Variants in TENM3 observed in about 807,000 individuals in gnomAD.
TENM3 encodes teneurin-3.
Under a neutral mutation model 255.1 loss-of-function variants are expected in TENM3, and 63 were observed. That is an observed-to-expected ratio of 0.25 (90% CI 0.20 to 0.30). The LOEUF (loss-of-function observed/expected upper bound fraction) is 0.30, where lower values mean the gene tolerates loss of function less well. Among genes scored for constraint, TENM3 ranks in the 10% least tolerant of loss-of-function variants. The pLI is 1.00. For synonymous variants in TENM3, 1,306 were observed against 1,322.3 expected (o/e 0.99, Z 0.27); for missense variants, 2,929 against 3,461.1 (o/e 0.85, Z 3.86).
intron 3 of TENM3, among the ~76,000 whole-genome samples, chr4:182,466,485 A>G (rs1488820857): frequency 6.6e-6 from 1 of 152,016 alleles, no homozygotes; most frequent in East Asian, 1.9e-4. Context: ...GTGTGCCACC[A>G]TGCCTGGCTA....
intron 3 of TENM3, among the ~76,000 whole-genome samples, chr4:182,541,923 C>T (rs1408314364): frequency 2.6e-5 from 4 of 151,756 alleles, no homozygotes; most frequent in South Asian, 2.1e-4. Flanking sequence ...ATTAGCGAGG[C>T]GTAGTGGCGC....
At chr4:181,639,414 T>C in the TENM3 span, among the ~76,000 whole-genome samples, 1 of 152,194 alleles carries the variant, frequency 6.6e-6, no homozygotes, top group African/African-American at 2.4e-5. Flanking sequence ...CAGCACTATG[T>C]CACCATCATC....
chr4:181,649,279 T>C, the TENM3 span, among the ~76,000 whole-genome samples: 8 of 152,206 alleles, frequency 5.3e-5, no homozygotes, highest in African/African-American at 1.9e-4. Flanking sequence ...GGCTGGTGAT[T>C]ACAATGAGTA....
intron 3 of TENM3, among the ~76,000 whole-genome samples, chr4:182,378,339 G>C (rs1220524527): frequency 6.6e-6 from 1 of 152,216 alleles, no homozygotes; most frequent in African/African-American, 2.4e-5. Flanking sequence ...TAGAGGGAAA[G>C]ACAGACCTCG....
the TENM3 span, among the ~76,000 whole-genome samples, chr4:181,978,918 G>A: frequency 6.7e-6 from 1 of 149,060 alleles, no homozygotes; most frequent in South Asian, 2.1e-4. Flanking sequence ...ATGGGTAATG[G>A]GTTACAAAAT....
At chr4:182,466,404 T>A (rs2151424902) in intron 3 of TENM3, among the ~76,000 whole-genome samples, 1 of 152,292 alleles carries the variant, frequency 6.6e-6, no homozygotes, top group Non-Finnish European at 1.5e-5. Context: ...TGTGGACTTC[T>A]TTCTTCTGTG....
intron 3 of TENM3, among the ~76,000 whole-genome samples, chr4:182,545,314 T>A (rs1013661833): frequency 6.6e-6 from 1 of 152,206 alleles, no homozygotes; most frequent in Non-Finnish European, 1.5e-5. Flanking sequence ...ATAGGTGATA[T>A]ATCAGCAAAC....
At chr4:181,689,183 AATTC>A in the TENM3 span, among the ~76,000 whole-genome samples, 11 of 152,336 alleles carry the variant, frequency 7.2e-5, 1 homozygote, top group African/African-American at 2.6e-4. Context: ...CTATATTTAG[AATTC>A]ATGTTTCCAG....
the TENM3 span, among the ~76,000 whole-genome samples, chr4:181,682,169 A>T: frequency 6.6e-6 from 1 of 152,178 alleles, no homozygotes; most frequent in African/African-American, 2.4e-5. Flanking sequence ...ACAAAAAGAG[A>T]ATTCAATAAA....
intron 1 of TENM3, among the ~76,000 whole-genome samples, chr4:182,263,030 C>T (rs936050473): frequency 6.6e-6 from 1 of 152,212 alleles, no homozygotes; most frequent in African/African-American, 2.4e-5. Context: ...GCCCTGAATT[C>T]TTTCTTGCGC....
chr4:182,419,334 C>T (rs1410234788), intron 3 of TENM3, among the ~76,000 whole-genome samples: 1 of 152,148 alleles, frequency 6.6e-6, no homozygotes, highest in Non-Finnish European at 1.5e-5. Context: ...CATCTCACAC[C>T]AGTTCGAATG....
At chr4:182,457,433 C>T (rs1264492501) in intron 3 of TENM3, among the ~76,000 whole-genome samples, 2 of 151,806 alleles carry the variant, frequency 1.3e-5, no homozygotes, top group Admixed American at 1.3e-4. Flanking sequence ...TTCAGAACAA[C>T]TCATGAAATT....
chr4:182,658,259 A>G (rs564440125), intron 6 of TENM3, among the ~76,000 whole-genome samples: 1 of 152,208 alleles, frequency 6.6e-6, no homozygotes, highest in South Asian at 2.1e-4. Context: ...ATTCACTTTG[A>G]CTTTCTCCCT....
At chr4:182,023,513 A>C in the TENM3 span, among the ~76,000 whole-genome samples, 4 of 152,256 alleles carry the variant, frequency 2.6e-5, no homozygotes, top group Middle Eastern at 3.4e-3. Context: ...TTACCAGACA[A>C]ATTTTGAACA....
chr4:181,890,435 AGAC>A, the TENM3 span, among the ~76,000 whole-genome samples: 1 of 152,316 alleles, frequency 6.6e-6, no homozygotes, highest in Non-Finnish European at 1.5e-5. Flanking sequence ...AAGAAAAAAA[AGAC>A]TACTAAAATA....
At chr4:181,853,750 G>A in the TENM3 span, among the ~76,000 whole-genome samples, 1 of 151,620 alleles carries the variant, frequency 6.6e-6, no homozygotes, top group Non-Finnish European at 1.5e-5. Flanking sequence ...GAAATATACT[G>A]GGGGAAAAAA....
At chr4:182,107,678 A>G in the TENM3 span, among the ~76,000 whole-genome samples, 1 of 152,162 alleles carries the variant, frequency 6.6e-6, no homozygotes, top group African/African-American at 2.4e-5. Context: ...GGTACTTAAA[A>G]ATATTCCCCT....
At chr4:182,798,966 TC>T (rs1478715680) in intron 27 of TENM3, among the ~76,000 whole-genome samples, 1 of 152,178 alleles carries the variant, frequency 6.6e-6, no homozygotes, top group Non-Finnish European at 1.5e-5. Context: ...CGGTCCACTG[TC>T]CCTAAGTCTG....
chr4:181,628,721 G>A, the TENM3 span, among the ~76,000 whole-genome samples: 2 of 152,172 alleles, frequency 1.3e-5, no homozygotes, highest in Non-Finnish European at 2.9e-5. Context: ...GTACCATGCT[G>A]TTTTGGTTCC....
Sources: allele counts gnomAD v4.1 joint callset (sites outside exome capture counted in the v4.1 genomes callset), GRCh38; gene constraint gnomAD v4.1.1; transcripts MANE v1.5; gene names NCBI Gene and HGNC (gene_info 2026-07-23, HGNC 2026-07-21).